COLEC12: variants seen among roughly 807,000 people sequenced by gnomAD.
COLEC12 encodes collectin-12.
COLEC12 carries 33 observed loss-of-function variants against 71.1 expected under a neutral mutation model. The ratio of observed to expected loss-of-function variants is 0.46; its 90% CI spans 0.35 to 0.62. COLEC12 has a LOEUF of 0.62. Ranked by LOEUF, COLEC12 falls within the 20% of genes least tolerant of loss-of-function variation. The pLI is 0.00. For missense variants in COLEC12, 765 were observed against 916.1 expected (o/e 0.84, Z 2.13); for synonymous variants, 350 against 353.0 (o/e 0.99, Z 0.10).
At chr18:391,680 G>C (rs1409909879) in intron 2 of COLEC12, among the ~76,000 whole-genome samples, 1 of 152,110 alleles carries the variant, frequency 6.6e-6, no homozygotes, top group Non-Finnish European at 1.5e-5. Context: ...TTTTCAGGGG[G>C]AACCAGAGAA....
intron 2 of COLEC12, among the ~76,000 whole-genome samples, chr18:454,170 G>A (rs1266568434): frequency 2.0e-5 from 3 of 151,788 alleles, no homozygotes; most frequent in Non-Finnish European, 2.9e-5. Flanking sequence ...ATTTCTTGAC[G>A]TCATCTCCTC....
intron 1 of COLEC12, among the ~76,000 whole-genome samples, chr18:489,575 T>C (rs1016457231): frequency 6.6e-6 from 1 of 152,090 alleles, no homozygotes; most frequent in African/African-American, 2.4e-5. Flanking sequence ...GAGGAGAGAT[T>C]TGGGAAAGTA....
At chr18:369,879 C>A (rs1253923483) in intron 2 of COLEC12, among the ~76,000 whole-genome samples, 1 of 152,092 alleles carries the variant, frequency 6.6e-6, no homozygotes, top group East Asian at 1.9e-4. Context: ...CAGCCTAGGA[C>A]AGGCAGCTAT....
chr18:340,009 G>A (rs1314970184), intron 5 of COLEC12, among the ~76,000 whole-genome samples: 1 of 145,002 alleles, frequency 6.9e-6, no homozygotes, highest in Non-Finnish European at 1.5e-5. Context: ...TTATTGGGCA[G>A]CTGTCAAGGT....
chr18:454,619 T>C (rs757210534), intron 2 of COLEC12, among the ~76,000 whole-genome samples: 1 of 152,070 alleles, frequency 6.6e-6, no homozygotes, highest in Non-Finnish European at 1.5e-5. Context: ...GTGGTGGAGG[T>C]TGCAGTGAGC....
intron 2 of COLEC12, among the ~76,000 whole-genome samples, chr18:422,133 C>G (rs1916110833): frequency 6.6e-6 from 1 of 152,178 alleles, no homozygotes; most frequent in Non-Finnish European, 1.5e-5. Flanking sequence ...GTAGTGGTCT[C>G]CTTGCCAGGT....
Position 321,733 on chromosome 18 carries a change from T to A in COLEC12, c.2138A>T (p.Tyr713Phe). 6.2e-7 allele frequency: 1 copy of A among 1,614,242 alleles called. No homozygotes were observed. Among genetic ancestry groups the A allele is most frequent in the Non-Finnish European group, 8.5e-7 (1 of 1,180,036 alleles). ...TTGGAAATCGTTCCACTGCCCAGCA[T>A]AAATCAACCCAGCACAGTCTTCTCC... ...GPGEDCAGLI[Y>F]AGQWNDFQCE... is the part of the protein sequence containing the mutation. Residue 713 changes from tyrosine to phenylalanine, a missense_variant, in exon 9 of 10, where the codon TAT (tyrosine) becomes TTT (phenylalanine). Physicochemically the swap from Tyr to Phe is conservative, Grantham distance 22. Coordinates refer to ENST00000400256, the MANE Select transcript of COLEC12 (RefSeq NM_130386.3).
chr18:333,051 C>G lies in COLEC12; in HGVS notation c.1909G>C (p.Asp637His). ...IFEDAKLFCE[D>H]KSSHLVFINT... ...ATGAAAACAAGATGTGAAGACTTGT[C>G]TTCACAGAAAAGCTTTGCATCCTCA... Residue 637 changes from aspartate (D) to histidine (H), a missense_variant, in exon 7 of 10, where the codon GAC becomes CAC. Asp to His is a moderately conservative substitution (Grantham distance 81). Coordinates refer to ENST00000400256, the MANE Select transcript of COLEC12 (RefSeq NM_130386.3). 1.2e-5 allele frequency: 19 copies of G among 1,611,642 alleles called. No homozygotes were observed. The highest frequency in any genetic ancestry group is 1.6e-5 in the Non-Finnish European group (19 of 1,179,234).
At chr18:358,967 G>A (rs1317607259) in intron 2 of COLEC12, among the ~76,000 whole-genome samples, 1 of 152,204 alleles carries the variant, frequency 6.6e-6, no homozygotes, top group Non-Finnish European at 1.5e-5. Flanking sequence ...CATGACTGTA[G>A]TTTCAAATCA....
intron 2 of COLEC12, among the ~76,000 whole-genome samples, chr18:360,131 T>C (rs959453766): frequency 1.3e-5 from 2 of 152,110 alleles, no homozygotes; most frequent in African/African-American, 4.8e-5. Flanking sequence ...TAAAACACAC[T>C]GTTTCTAATT....
intron 2 of COLEC12, among the ~76,000 whole-genome samples, chr18:436,342 C>T (rs1459280832): frequency 6.6e-6 from 1 of 152,082 alleles, no homozygotes; most frequent in African/African-American, 2.4e-5. Context: ...GAAACCCCGT[C>T]TCTAATAAAA....
chr18:464,303 C>A (rs1917044242), intron 2 of COLEC12, among the ~76,000 whole-genome samples: 1 of 152,236 alleles, frequency 6.6e-6, no homozygotes, highest in African/African-American at 2.4e-5. Context: ...ATAAACACAG[C>A]ATCTCGCGAC....
chr18:462,225 C>T (rs538322117), intron 2 of COLEC12, among the ~76,000 whole-genome samples: 2 of 152,164 alleles, frequency 1.3e-5, no homozygotes, highest in African/African-American at 4.8e-5. Flanking sequence ...CAAGCCCACA[C>T]AAAAGTTCAC....
chr18:425,700 G>A (rs1027999874), intron 2 of COLEC12, among the ~76,000 whole-genome samples: 2 of 152,168 alleles, frequency 1.3e-5, no homozygotes, highest in Non-Finnish European at 2.9e-5. Flanking sequence ...GAGCCATGAG[G>A]GCATGTGGGT....
intron 1 of COLEC12, among the ~76,000 whole-genome samples, chr18:489,143 G>GA (rs548281844): frequency 6.6e-6 from 1 of 151,882 alleles, no homozygotes; most frequent in Non-Finnish European, 1.5e-5. Context: ...CCAGACAGAG[G>GA]AAAAAAACAG....
At chr18:378,993 C>T (rs541963237) in intron 2 of COLEC12, among the ~76,000 whole-genome samples, 6 of 152,302 alleles carry the variant, frequency 3.9e-5, no homozygotes, top group Admixed American at 6.5e-5. Flanking sequence ...TGAGCCACGC[C>T]GGTGGAAATG....
chr18:363,553 C>T (rs1300450883), intron 2 of COLEC12, among the ~76,000 whole-genome samples: 1 of 152,154 alleles, frequency 6.6e-6, no homozygotes, highest in Non-Finnish European at 1.5e-5. Flanking sequence ...TAATCTACTG[C>T]CTGGTGGTAT....
chr18:383,699 C>T (rs145962694), intron 2 of COLEC12, among the ~76,000 whole-genome samples: 85 of 152,254 alleles, frequency 5.6e-4, no homozygotes, highest in Non-Finnish European at 8.4e-4. Flanking sequence ...ACCTGGGTAT[C>T]CATCAACGCC....
At position 480,291 on chromosome 18, in the gene COLEC12, G is replaced by T. The variant is rs1917388257; in HGVS notation, c.58+416C>A. 6.6e-6 allele frequency among the ~76,000 whole-genome samples: 1 copy of T among 152,232 alleles called. No individual in the cohort carries two copies. Among genetic ancestry groups the T allele is most frequent in the Non-Finnish European group, 1.5e-5 (1 of 68,044 alleles). ...CCTGTGTCCAGGCAGATTCTTGGAA[G>T]AAGTCTCCCTCTCACTCATCCATGA... is the stretch of plus-strand genomic sequence containing the variant. On this transcript the variant is annotated intron_variant, in intron 2 of 9. Transcript: ENST00000400256. This position sits in a 1 kb window ranked among gnomAD's most constrained non-coding sequence, Gnocchi z 4.1.
Sources: allele counts gnomAD v4.1 joint callset (sites outside exome capture counted in the v4.1 genomes callset), GRCh38; gene constraint gnomAD v4.1.1; non-coding constraint Gnocchi (gnomAD v3.1); transcripts MANE v1.5; gene names NCBI Gene and HGNC (gene_info 2026-07-23, HGNC 2026-07-21).